LIN7A: variants seen among roughly 807,000 people sequenced by gnomAD.
LIN7A encodes protein lin-7 homolog A.
A neutral mutation model predicts 29.8 loss-of-function variants in LIN7A; 25 were observed. The ratio of observed to expected loss-of-function variants is 0.84; its 90% CI spans 0.61 to 1.17. LIN7A has a LOEUF of 1.17. LIN7A is among the 50% of genes most tolerant of loss of function. LIN7A has a pLI of 0.00. For synonymous variants in LIN7A, 118 were observed against 107.5 expected, an observed-to-expected ratio of 1.10 and a Z score of -0.60; for missense variants, 239 against 287.0, an observed-to-expected ratio of 0.83 and a Z score of 1.21.
chr12:80,834,526 A>G (rs969085143), intron 4 of LIN7A, among the ~76,000 whole-genome samples: 5 of 152,186 alleles, frequency 3.3e-5, no homozygotes, highest in Admixed American at 2.6e-4. Flanking sequence ...AAAGAAACCC[A>G]AGTAGGAAAG....
intron 2 of LIN7A, among the ~76,000 whole-genome samples, chr12:80,887,809 T>C (rs1395089256): frequency 6.6e-6 from 1 of 152,082 alleles, no homozygotes; most frequent in South Asian, 2.1e-4. Context: ...GGTATATATT[T>C]GATGTATCCT....
Position 80,811,678 on chromosome 12 carries a change from C to T in LIN7A, c.489G>A (p.Val163=). The T allele has an allele frequency of 6.2e-7, 1 of 1,607,852 alleles. No homozygotes were observed. Among genetic ancestry groups the T allele is most frequent in the Non-Finnish European group, 8.5e-7 (1 of 1,174,774 alleles). Residue 163 remains valine, a synonymous_variant, in exon 5 of 6, where the codon GTG becomes GTA. Coordinates refer to ENST00000552864, the MANE Select transcript of LIN7A (RefSeq NM_004664.4). ...CAGCTTTCTCATGGTGTTCTCCTTC[C>T]ACACTCTGAAAATACAATGACACTT... The part of the protein sequence containing the change: ...DQLLSVNGVS[V]EGEHHEKAVE...
chr12:80,924,154 G>C (rs983698582), intron 1 of LIN7A, among the ~76,000 whole-genome samples: 1 of 152,102 alleles, frequency 6.6e-6, no homozygotes, highest in African/African-American at 2.4e-5. Context: ...GCACTCATTA[G>C]GCTATCATTT....
At chr12:80,905,190 ATT>A (rs5799497) in intron 1 of LIN7A, among the ~76,000 whole-genome samples, 102,464 of 150,050 alleles carry the variant, frequency 0.68, 38,698 homozygotes, top group Non-Finnish European at 0.87. Context: ...ATTTCCAAGG[ATT>A]TTTTTTTTTT....
At chr12:80,928,449 T>C (rs4842367) in intron 1 of LIN7A, among the ~76,000 whole-genome samples, 21,204 of 152,244 alleles carry the variant, frequency 0.14, 3,173 homozygotes, top group African/African-American at 0.36. Flanking sequence ...ATTTCTCTGA[T>C]GACCAGTGAT....
At chr12:80,884,742 C>G (rs1349296811) in intron 2 of LIN7A, among the ~76,000 whole-genome samples, 1 of 152,070 alleles carries the variant, frequency 6.6e-6, no homozygotes, top group Non-Finnish European at 1.5e-5. Flanking sequence ...TTTTCTTATT[C>G]TATACTTCTA....
At chr12:80,883,087 TTC>T (rs1231511901) in intron 2 of LIN7A, among the ~76,000 whole-genome samples, 1 of 151,242 alleles carries the variant, frequency 6.6e-6, no homozygotes, top group Non-Finnish European at 1.5e-5. Context: ...TTCTCTCTCT[TTC>T]TGTTTTTCTC....
chr12:80,848,849 C>T (rs1483235819), intron 2 of LIN7A, among the ~76,000 whole-genome samples: 5 of 152,140 alleles, frequency 3.3e-5, no homozygotes, highest in African/African-American at 1.2e-4. Context: ...GGAAAAACTG[C>T]AATCGAAGGT....
At chr12:80,912,303 G>A (rs1481828278) in intron 1 of LIN7A, among the ~76,000 whole-genome samples, 1 of 151,864 alleles carries the variant, frequency 6.6e-6, no homozygotes, top group Non-Finnish European at 1.5e-5. Flanking sequence ...CTCATGTATG[G>A]GGGTTGGGGG....
chr12:80,907,397 T>A (rs1166189521), intron 1 of LIN7A, among the ~76,000 whole-genome samples: 1 of 152,212 alleles, frequency 6.6e-6, no homozygotes, highest in Non-Finnish European at 1.5e-5. Flanking sequence ...AAATCTTCCT[T>A]TCATTGTCAT....
chr12:80,871,623 C>A (rs1874431536), intron 2 of LIN7A, among the ~76,000 whole-genome samples: 1 of 151,520 alleles, frequency 6.6e-6, no homozygotes, highest in African/African-American at 2.4e-5. Context: ...AAAAGAAAAC[C>A]AATACTTTTA....
intron 5 of LIN7A, among the ~76,000 whole-genome samples, chr12:80,802,364 G>T (rs1210786719): frequency 1.3e-5 from 2 of 152,142 alleles, no homozygotes; most frequent in Non-Finnish European, 2.9e-5. Flanking sequence ...TGTCTATTTA[G>T]CTGAAGCTGG....
chr12:80,894,590 C>T (rs1183314738), intron 1 of LIN7A, among the ~76,000 whole-genome samples: 6 of 151,928 alleles, frequency 3.9e-5, no homozygotes, highest in Admixed American at 3.9e-4. Context: ...GAAAGTGAAA[C>T]CACAGAAAGC....
chr12:80,895,899 A>G (rs917592832), intron 1 of LIN7A, among the ~76,000 whole-genome samples: 3 of 152,228 alleles, frequency 2.0e-5, no homozygotes, highest in Non-Finnish European at 4.4e-5. Context: ...GAGCTGTTGT[A>G]CTAGCCCTGA....
chr12:80,842,557 C>T (rs1233570228), intron 4 of LIN7A, among the ~76,000 whole-genome samples: 1 of 152,008 alleles, frequency 6.6e-6, no homozygotes, highest in East Asian at 1.9e-4. Context: ...GAAATTGTAC[C>T]TTATTTAAAG....
chr12:80,805,106 G>T (rs909574399), intron 5 of LIN7A, among the ~76,000 whole-genome samples: 12 of 152,150 alleles, frequency 7.9e-5, no homozygotes, highest in African/African-American at 2.7e-4. Flanking sequence ...TAAGGCTATT[G>T]TAAAGATTAA....
chr12:80,860,035 A>C, intron 2 of LIN7A, among the ~76,000 whole-genome samples: 1 of 152,216 alleles, frequency 6.6e-6, no homozygotes, highest in Middle Eastern at 3.2e-3. Context: ...TCATTTAATC[A>C]ATCCTCTGAT....
rs1204801957 is a variant in LIN7A at position 80,811,650 on chromosome 12, C to T, written c.517G>A (p.Glu173Lys). ...CTGTCTTTAGCAGCCTTGAGTAGTT[C>T]CACAGCTTTCTCATGGTGTTCTCCT... ...VEGEHHEKAV[E>K]LLKAAKDSVK... is the part of the protein sequence containing the mutation. The change falls in exon 5 of 6, where the codon GAA becomes AAA. Residue 173 changes from glutamate (E) to lysine (K), a missense_variant. Glu to Lys is a moderately conservative substitution (Grantham distance 56). Coordinates refer to ENST00000552864, the MANE Select transcript of LIN7A (RefSeq NM_004664.4). 2 of 1,612,508 alleles carry T rather than the reference C, an allele frequency of 1.2e-6. No homozygotes were observed. The highest frequency in any genetic ancestry group is 1.3e-5 in the African/African-American group (1 of 75,000).
At chr12:80,888,901 G>A (rs1875476053) in intron 2 of LIN7A, among the ~76,000 whole-genome samples, 1 of 151,992 alleles carries the variant, frequency 6.6e-6, no homozygotes, top group Non-Finnish European at 1.5e-5. Flanking sequence ...TTAGTTAGAT[G>A]TTCTTTTTAG....
Sources: gnomAD v4.1 joint callset for allele counts (sites outside exome capture counted in the v4.1 genomes callset) on GRCh38, gnomAD v4.1.1 for gene constraint, MANE v1.5 for transcripts, NCBI Gene and HGNC (gene_info 2026-07-23, HGNC 2026-07-21) for gene names.